Variants in ZFPM1 observed in about 807,000 individuals in gnomAD.
ZFPM1 encodes the protein zinc finger protein, FOG family member 1.
In ZFPM1, 28 loss-of-function variants were observed where a neutral mutation model predicts 46.3. The observed-to-expected ratio is 0.60, with a 90% CI of 0.45 to 0.83. The LOEUF (loss-of-function observed/expected upper bound fraction) is 0.83, where lower values mean the gene tolerates loss of function less well. Ranked by LOEUF, ZFPM1 falls within the 40% of genes least tolerant of loss-of-function variation. ZFPM1 has a pLI of 0.00. For synonymous variants in ZFPM1, 957 were observed against 675.9 expected (o/e 1.42, Z -6.45); for missense variants, 1,878 against 1,432.4 (o/e 1.31, Z -5.02).
At chr16:88,490,522 G>A (rs1303461584) in intron 3 of ZFPM1, among the ~76,000 whole-genome samples, 2 of 152,222 alleles carry the variant, frequency 1.3e-5, no homozygotes, top group Non-Finnish European at 2.9e-5. Context: ...CGCTGAGGCA[G>A]AGGGACCACA....
rs1342593116 is a variant in ZFPM1, at chr16:88,534,028, C to T, written c.2070C>T (p.Ile690=). The part of the protein sequence containing the change: ...PSRTLCEACN[I]RFSRHETYTV... ...GCACGCTGTGCGAGGCCTGCAACAT[C>T]CGCTTCAGCCGCCACGAGACCTACA... The change falls in exon 10 of 10, where the codon ATC becomes ATT. Residue 690 remains isoleucine (I), a synonymous_variant. Transcript: ENST00000319555. The T allele has an allele frequency of 7.4e-7, 1 of 1,351,274 alleles. No individual in the cohort carries two copies. The highest frequency in any genetic ancestry group is 1.2e-5 in the South Asian group (1 of 80,996). The allele number at this position is 1,351,274 out of a possible 1,614,324, so 83.7% of individuals were successfully genotyped here.
chr16:88,523,555 A>C (rs75303800), intron 4 of ZFPM1, among the ~76,000 whole-genome samples: 19,517 of 152,232 alleles, frequency 0.13, 1,489 homozygotes, highest in South Asian at 0.31. Context: ...TGCCACCTCC[A>C]GGCTGGGGAC....
chr16:88,506,837 C>T (rs748625227), intron 3 of ZFPM1, among the ~76,000 whole-genome samples: 1 of 152,198 alleles, frequency 6.6e-6, no homozygotes, highest in Non-Finnish European at 1.5e-5. Context: ...GCAGAGCCCT[C>T]GAGTGGCTTT....
chr16:88,525,393 C>T lies in ZFPM1; in HGVS notation c.403-1421C>T, dbSNP rs555825346. Among the ~76,000 whole-genome samples the T allele has an allele frequency of 2.6e-5, 4 of 152,380 alleles. No homozygotes were observed. In the East Asian group the frequency reaches 7.7e-4, roughly 29 times the overall value. Reference sequence around the variant, plus strand: ...AGGGTTGGGCTGACTGCCATCCTCACCACAGGGCTGCACAAACCTGTCCCG... The same window carrying T: ...AGGGTTGGGCTGACTGCCATCCTCATCACAGGGCTGCACAAACCTGTCCCG... On this transcript the variant is annotated intron_variant, in intron 4 of 9. Transcript: ENST00000319555.
intron 4 of ZFPM1, among the ~76,000 whole-genome samples, chr16:88,521,836 A>G (rs544941310): frequency 3.6e-4 from 42 of 117,892 alleles, no homozygotes; most frequent in Non-Finnish European, 6.5e-4. Flanking sequence ...TCCCTCCCCT[A>G]TGCTGTTCCC....
intron 3 of ZFPM1, among the ~76,000 whole-genome samples, chr16:88,511,338 G>C (rs940459122): frequency 5.3e-5 from 8 of 152,116 alleles, no homozygotes; most frequent in Non-Finnish European, 8.8e-5. Context: ...ACAGCTCCCA[G>C]TGTGGCTTGG....
rs779591644 is a variant in ZFPM1 at position 88,533,665 on chromosome 16, C to G, written c.1707C>G (p.Leu569=). ...GCGCCGGCGGCGCGCAGACCGGGCT[C>G]TTCCCCGGGGCCCCCAAGGGCGCTA... ...GAGAGGAQTG[L]FPGAPKGATC... is the part of the protein sequence containing the mutation. The change falls in exon 10 of 10, where the codon CTC becomes CTG. Residue 569 remains leucine, a synonymous_variant. Coordinates refer to ENST00000319555, the MANE Select transcript of ZFPM1 (RefSeq NM_153813.3). The G allele has an allele frequency of 6.7e-7, 1 of 1,483,352 alleles. No individual in the cohort carries two copies. The highest frequency in any genetic ancestry group is 2.3e-5 in the Admixed American group (1 of 44,090). 91.9% of individuals were successfully genotyped at this position (1,483,352 alleles called of 1,614,324 possible).
At position 88,533,668 on chromosome 16, in the gene ZFPM1, C is replaced by A. The variant is rs975850617; in HGVS notation, c.1710C>A (p.Phe570Leu). ...AGAGGAQTGL[F>L]PGAPKGATCF... is the part of the protein sequence containing the mutation. Reference sequence around the variant, plus strand: ...CCGGCGGCGCGCAGACCGGGCTCTTCCCCGGGGCCCCCAAGGGCGCTACGT... The same window carrying A: ...CCGGCGGCGCGCAGACCGGGCTCTTACCCGGGGCCCCCAAGGGCGCTACGT... The change falls in exon 10 of 10, where the codon TTC becomes TTA. Residue 570 changes from phenylalanine to leucine, a missense_variant. Transcript: ENST00000319555. 2 of 1,479,374 alleles carry A rather than the reference C, an allele frequency of 1.4e-6. No individual in the cohort carries two copies. The highest frequency in any genetic ancestry group is 1.5e-5 in the African/African-American group (1 of 67,476). The allele number at this position is 1,479,374 out of a possible 1,614,324, so 91.6% of individuals were successfully genotyped here.
intron 4 of ZFPM1, among the ~76,000 whole-genome samples, chr16:88,525,726 G>A (rs1391469872): frequency 6.6e-6 from 1 of 152,204 alleles, no homozygotes; most frequent in Non-Finnish European, 1.5e-5. Context: ...TCCCCTTGAT[G>A]TCTGACCAGT....
rs907808965 is a variant in ZFPM1 at position 88,536,585 on chromosome 16, C to G, written c.*1606C>G. 1 of 152,264 alleles carries G rather than the reference C, an allele frequency of 6.6e-6. No homozygotes were observed. The highest frequency in any genetic ancestry group is 6.5e-5 in the Admixed American group (1 of 15,292). The allele number at this position is 152,264 out of a possible 1,614,324, so 9.4% of individuals were successfully genotyped here. A position where few individuals can be genotyped will look rare whatever the true frequency, so the allele number is the denominator to read the frequency against. ...CTTGCCTCAGAAGCCCGAGGCACTT[C>G]CCAGCCAGTCCAGGGCTCGCTCTCC... is the stretch of plus-strand genomic sequence containing the variant. On this transcript the variant is annotated 3_prime_UTR_variant, in exon 10 of 10. Transcript: ENST00000319555.
At chr16:88,527,570 C>T (rs866609829) in intron 5 of ZFPM1, among the ~76,000 whole-genome samples, 1 of 152,044 alleles carries the variant, frequency 6.6e-6, no homozygotes, top group Non-Finnish European at 1.5e-5. Context: ...ACACACAGCC[C>T]GGGCGCCCCA....
chr16:88,470,582 T>G (rs1285884676), intron 1 of ZFPM1, among the ~76,000 whole-genome samples: 91 of 32,202 alleles, frequency 2.8e-3, no homozygotes, highest in African/African-American at 0.011. Flanking sequence ...TGTGGCACGG[T>G]GTGGAGGGCC....
In ZFPM1 at chr16:88,526,803, T is replaced by G. The variant is rs62049007; in HGVS notation, c.403-11T>G. ...GACCCCTCCCCACGTGTTCCTACCC[T>G]CCCCCCCCAGAGCCCAGCCCTGACC... On this transcript the variant is annotated splice_polypyrimidine_tract_variant and intron_variant, in intron 4 of 9. Transcript: ENST00000319555. 2.1e-4 allele frequency: 73 copies of G among 355,280 alleles called. 2 individuals carry two copies. The East Asian group carries it at 4.0e-3, about 19-fold the overall frequency. 22.0% of individuals were successfully genotyped at this position (355,280 alleles called of 1,614,324 possible).
Position 88,533,908 on chromosome 16 carries a change from C to G in ZFPM1, c.1950C>G (p.Gly650=). The G allele has an allele frequency of 9.0e-7, 1 of 1,115,818 alleles. No homozygotes were observed. The highest frequency in any genetic ancestry group is 1.1e-6 in the Non-Finnish European group (1 of 906,854). The allele number at this position is 1,115,818 out of a possible 1,614,324, so 69.1% of individuals were successfully genotyped here. ...GAGCGCGCGAGGAGGGGGCTGGGGGCGCGGCCACGCCCGAGGACGGCGCGG... is the reference window on the plus strand; with the variant it reads ...GAGCGCGCGAGGAGGGGGCTGGGGGGGCGGCCACGCCCGAGGACGGCGCGG... ...GPGAREEGAG[G]AATPEDGAGG... Residue 650 remains glycine, a synonymous_variant, in exon 10 of 10, where the codon GGC becomes GGG. Coordinates refer to ENST00000319555, the MANE Select transcript of ZFPM1 (RefSeq NM_153813.3).
intron 3 of ZFPM1, among the ~76,000 whole-genome samples, chr16:88,492,439 C>T (rs1909632955): frequency 6.6e-6 from 1 of 152,186 alleles, no homozygotes; most frequent in South Asian, 2.1e-4. Flanking sequence ...GAGGGAGCAC[C>T]AGCTCGGACC....
intron 1 of ZFPM1, among the ~76,000 whole-genome samples, chr16:88,481,488 G>A (rs1597239514): frequency 6.6e-6 from 1 of 152,032 alleles, no homozygotes; most frequent in African/African-American, 2.4e-5. Context: ...GCCTTGCTGG[G>A]CCTTGGTTTA....
chr16:88,490,152 C>G (rs1395377100), intron 3 of ZFPM1, among the ~76,000 whole-genome samples: 1 of 151,814 alleles, frequency 6.6e-6, no homozygotes, highest in Non-Finnish European at 1.5e-5. Flanking sequence ...CTCCCAGGTT[C>G]ACGCCATTCT....
intron 3 of ZFPM1, among the ~76,000 whole-genome samples, chr16:88,492,225 C>A (rs1280519982): frequency 1.3e-5 from 2 of 152,024 alleles, no homozygotes; most frequent in Non-Finnish European, 2.9e-5. Flanking sequence ...GCCTCTCTCC[C>A]TCACCCGTCT....
At chr16:88,505,832 T>C (rs1366577895) in intron 3 of ZFPM1, among the ~76,000 whole-genome samples, 2 of 152,114 alleles carry the variant, frequency 1.3e-5, no homozygotes, top group African/African-American at 4.8e-5. Flanking sequence ...GGCCCACCTC[T>C]AGCAGAGAGA....
Sources: gnomAD v4.1 joint callset for allele counts (sites outside exome capture counted in the v4.1 genomes callset) on GRCh38, gnomAD v4.1.1 for gene constraint, MANE v1.5 for transcripts, NCBI Gene and HGNC (gene_info 2026-07-23, HGNC 2026-07-21) for gene names.